TEX2: variants seen among roughly 807,000 people sequenced by gnomAD.
TEX2 encodes testis-expressed protein 2.
Under a neutral mutation model 106.9 loss-of-function variants are expected in TEX2, and 53 were observed. That is an observed-to-expected ratio of 0.50 (90% CI 0.40 to 0.62). The LOEUF is 0.62. Among genes scored for constraint, TEX2 ranks in the 20% least tolerant of loss-of-function variants. The pLI is 0.00. For missense variants in TEX2, 1,207 were observed against 1,379.0 expected, an observed-to-expected ratio of 0.88 and a Z score of 1.98; for synonymous variants, 523 against 534.8, an observed-to-expected ratio of 0.98 and a Z score of 0.30.
At chr17:64,155,892 G>A (rs999268381) in intron 8 of TEX2, 1 of 152,338 alleles carries the variant, frequency 6.6e-6, no homozygotes, top group Non-Finnish European at 1.5e-5. Flanking sequence ...GAAAGTACTG[G>A]CAGGGCTGTG....
chr17:64,174,595 T>A (rs1367601146), intron 6 of TEX2, among the ~76,000 whole-genome samples: 1 of 152,158 alleles, frequency 6.6e-6, no homozygotes, highest in Non-Finnish European at 1.5e-5. Context: ...ACCCAAAGGG[T>A]ACCACAGTGA....
rs34897234 is a variant in TEX2 at position 64,223,713 on chromosome 17, C to CTTTT, written c.-25-9475_-25-9472dup. Among the ~76,000 whole-genome samples, 433 of 110,756 alleles carry CTTTT rather than the reference C, an allele frequency of 3.9e-3. 18 individuals carry two copies. In the East Asian group the frequency reaches 0.064, roughly 16 times the overall value. 72.7% of individuals were successfully genotyped at this position (110,756 alleles called of 152,430 possible). A position where few individuals can be genotyped will look rare whatever the true frequency, so the allele number is the denominator to read the frequency against. The stretch of plus-strand genomic sequence containing the variant: ...TACAGTGAGCACGGTAACAGAGCAT[C>CTTTT]TTTTTTTTTTTTTTTTTTTGCGATG... On this transcript the variant is annotated intron_variant, in intron 1 of 11. Transcript: ENST00000584379.
intron 10 of TEX2, among the ~76,000 whole-genome samples, chr17:64,152,064 C>A (rs1319180961): frequency 6.6e-6 from 1 of 152,160 alleles, no homozygotes; most frequent in Non-Finnish European, 1.5e-5. Flanking sequence ...CTCTTCTGAT[C>A]ATTCCTACAA....
intron 5 of TEX2, 50 bp downstream of exon 5, chr17:64,188,118 T>C: frequency 6.3e-7 from 1 of 1,578,886 alleles, no homozygotes; most frequent in South Asian, 1.1e-5. Flanking sequence ...CATGAAGAAA[T>C]GTGTCTAAGT....
chr17:64,213,078 T>C lies in TEX2; in HGVS notation c.1140A>G (p.Ile380Met), dbSNP rs141994631. ...PKSTGEPTRE[I>M]ELKSSQGSSL... ...TGCTCCCCTGGGAACTTTTCAGTTC[T>C]ATCTCTCTTGTGGGCTCACCAGTGG... The change falls in exon 2 of 12, where the codon ATA (isoleucine) becomes ATG (methionine). Residue 380 changes from isoleucine (I) to methionine (M), a missense_variant. This residue lies in a region of TEX2 where 1,067 missense variants were observed against 1,193.6 expected (regional missense o/e 0.89). Transcript: ENST00000584379. This position sits in a 1 kb window ranked among gnomAD's most constrained non-coding sequence, Gnocchi z 4.4. The C allele has an allele frequency of 3.7e-4, 604 of 1,614,256 alleles. 3 individuals are homozygous for C. The African/African-American group carries it at 7.4e-3, about 20-fold the overall frequency.
intron 6 of TEX2, among the ~76,000 whole-genome samples, chr17:64,172,001 GAA>G (rs2031426119): frequency 6.8e-6 from 1 of 146,536 alleles, no homozygotes; most frequent in Non-Finnish European, 1.5e-5. Flanking sequence ...AAAAAGAAAA[GAA>G]GAGAAATTGC....
intron 1 of TEX2, among the ~76,000 whole-genome samples, chr17:64,250,113 G>A (rs1366416997): frequency 6.6e-6 from 1 of 152,200 alleles, no homozygotes; most frequent in Non-Finnish European, 1.5e-5. Flanking sequence ...TCCTACAGCA[G>A]TTTCTGCTCC....
intron 1 of TEX2, among the ~76,000 whole-genome samples, chr17:64,260,130 T>C (rs2034263917): frequency 6.6e-6 from 1 of 152,208 alleles, no homozygotes; most frequent in African/African-American, 2.4e-5. Flanking sequence ...CGTGAATTAC[T>C]CAAAACTGCA....
intron 1 of TEX2, among the ~76,000 whole-genome samples, chr17:64,243,742 C>T (rs527445049): frequency 3.2e-4 from 49 of 151,838 alleles, no homozygotes; most frequent in African/African-American, 9.7e-4. Flanking sequence ...CGGATTTCTG[C>T]GGAGAGAGTT....
chr17:64,236,335 G>A (rs2033767745), intron 1 of TEX2, among the ~76,000 whole-genome samples: 1 of 152,166 alleles, frequency 6.6e-6, no homozygotes, highest in Non-Finnish European at 1.5e-5. Context: ...GGCTAAGGCA[G>A]GAGGATCGCT....
chr17:64,246,390 T>C (rs529159293), intron 1 of TEX2, among the ~76,000 whole-genome samples: 2 of 152,112 alleles, frequency 1.3e-5, no homozygotes, highest in African/African-American at 4.8e-5. Context: ...TTATTACAGG[T>C]GTGCGCCACC....
chr17:64,154,990 C>A, intron 8 of TEX2, 23 bp from the exon 9 acceptor site: 1 of 1,542,678 alleles, frequency 6.5e-7, no homozygotes, highest in Non-Finnish European at 8.7e-7. Flanking sequence ...AGAGTCACCA[C>A]CACTGCCTGC....
chr17:64,191,993 A>G (rs1199492874), intron 4 of TEX2, among the ~76,000 whole-genome samples: 6 of 152,186 alleles, frequency 3.9e-5, no homozygotes, highest in Non-Finnish European at 8.8e-5. Context: ...AGACTTTGAA[A>G]TCCAATGTGC....
chr17:64,150,987 A>G (rs1337475851), intron 10 of TEX2, 26 bp from the exon 11 acceptor site: 16 of 1,609,972 alleles, frequency 9.9e-6, no homozygotes, highest in Non-Finnish European at 1.4e-5. Flanking sequence ...TAATAACCAC[A>G]TTTAGAAGCA....
At chr17:64,231,677 C>T (rs1555634648) in intron 1 of TEX2, among the ~76,000 whole-genome samples, 1 of 152,192 alleles carries the variant, frequency 6.6e-6, no homozygotes, top group Non-Finnish European at 1.5e-5. Flanking sequence ...TCCTGGGGTG[C>T]AACACAATTG....
chr17:64,214,280 G>A (rs2033122718), intron 1 of TEX2, 38 bp from the exon 2 acceptor site: 1 of 1,534,296 alleles, frequency 6.5e-7, no homozygotes, highest in African/African-American at 1.4e-5. Context: ...TCAGAGAGCA[G>A]TTTCTCCACA....
chr17:64,251,675 T>A (rs916079286), intron 1 of TEX2, among the ~76,000 whole-genome samples: 1 of 152,144 alleles, frequency 6.6e-6, no homozygotes, highest in African/African-American at 2.4e-5. Flanking sequence ...GAAGTAGCCC[T>A]CAGGAAGAGA....
chr17:64,168,200 A>T (rs9908831), intron 7 of TEX2, among the ~76,000 whole-genome samples: 1 of 152,134 alleles, frequency 6.6e-6, no homozygotes. Flanking sequence ...CACTAAAAGG[A>T]AAGATTCCCC....
intron 1 of TEX2, among the ~76,000 whole-genome samples, chr17:64,247,607 C>T (rs942544864): frequency 3.3e-5 from 5 of 152,150 alleles, no homozygotes; most frequent in South Asian, 2.1e-4. Flanking sequence ...ATGCCCCGCG[C>T]GGGGAGCCTG....
Sources: gnomAD v4.1 joint callset for allele counts (sites outside exome capture counted in the v4.1 genomes callset) on GRCh38, gnomAD v4.1.1 for gene constraint, gnomAD v4.1.1 regional missense constraint, Gnocchi (gnomAD v3.1) non-coding constraint, MANE v1.5 for transcripts, NCBI Gene and HGNC (gene_info 2026-07-23, HGNC 2026-07-21) for gene names.